The following ATG7 variants were observed in gnomAD, a reference collection of about 807,000 sequenced individuals.
The protein encoded by ATG7 is ubiquitin-like modifier-activating enzyme ATG7.
ATG7 carries 70 observed loss-of-function variants against 82.4 expected under a neutral mutation model. That is an observed-to-expected ratio of 0.85 (90% CI 0.70 to 1.04). The LOEUF (loss-of-function observed/expected upper bound fraction) is 1.04. Among genes scored for constraint, ATG7 ranks in the 50% least tolerant of loss-of-function variants. The probability of loss-of-function intolerance (pLI) is 0.00; values close to 1 mark genes in which losing one functional copy is unlikely to be tolerated. For missense variants in ATG7, 792 were observed against 864.3 expected, an observed-to-expected ratio of 0.92 and a Z score of 1.05; for synonymous variants, 287 against 313.0, an observed-to-expected ratio of 0.92 and a Z score of 0.88.
rs1230678586 is a variant in ATG7, at chr3:11,556,808, G to A, written c.*1965G>A. The A allele has an allele frequency of 6.5e-6, 1 of 152,750 alleles. No homozygotes were observed. Among genetic ancestry groups the A allele is most frequent in the Non-Finnish European group, 1.5e-5 (1 of 68,026 alleles). The allele number at this position is 152,750 out of a possible 1,614,324, so 9.5% of individuals were successfully genotyped here. The stretch of plus-strand genomic sequence containing the variant: ...AGTGTTCTCAACGATTTTTCCTACA[G>A]AAAATATAGGGGCCTGAATGCCAAA... On this transcript the variant is annotated 3_prime_UTR_variant, in exon 21 of 21. Coordinates refer to ENST00000693202, the MANE Select transcript of ATG7 (RefSeq NM_001349232.2).
chr3:11,456,614 T>C (rs1229568131), intron 20 of ATG7, among the ~76,000 whole-genome samples: 2 of 152,128 alleles, frequency 1.3e-5, no homozygotes, highest in Non-Finnish European at 2.9e-5. Context: ...ACACCTTGCC[T>C]CCCCTAGGAA....
At chr3:11,543,333 G>C (rs892930614) in intron 20 of ATG7, among the ~76,000 whole-genome samples, 2 of 152,188 alleles carry the variant, frequency 1.3e-5, no homozygotes, top group African/African-American at 4.8e-5. Context: ...GCTGGGGTTG[G>C]AAAGGCTGGG....
At chr3:11,456,676 A>G (rs530840122) in intron 20 of ATG7, among the ~76,000 whole-genome samples, 3 of 152,146 alleles carry the variant, frequency 2.0e-5, no homozygotes, top group Admixed American at 6.5e-5. Flanking sequence ...TACTCCCCCC[A>G]CTACCGACCA....
chr3:11,378,331 T>C (rs559852618), intron 18 of ATG7, among the ~76,000 whole-genome samples: 19 of 151,362 alleles, frequency 1.3e-4, no homozygotes, highest in African/African-American at 4.4e-4. Context: ...TTTTAAAATG[T>C]CTTTATCAAT....
At chr3:11,272,989 A>G (rs1200268462) in intron 1 of ATG7, among the ~76,000 whole-genome samples, 1 of 152,258 alleles carries the variant, frequency 6.6e-6, no homozygotes, top group Non-Finnish European at 1.5e-5. Flanking sequence ...GTGTTAGAAC[A>G]TTTGTCAGAA....
intron 1 of ATG7, among the ~76,000 whole-genome samples, chr3:11,278,294 A>G (rs907288817): frequency 2.0e-5 from 3 of 152,252 alleles, no homozygotes; most frequent in East Asian, 3.8e-4. Context: ...ATAAATGTCC[A>G]TATTAAAATG....
Position 11,343,054 on chromosome 3 carries a change from G to A in ATG7, c.1125+775G>A, listed in dbSNP as rs528402441. ...AGCGATTCTCCTGCCTCAACTTCCC[G>A]AGTAGCTGGGACTACAGGTGTGCAC... On this transcript the variant is annotated intron_variant, in intron 13 of 20. Coordinates refer to ENST00000693202, the MANE Select transcript of ATG7 (RefSeq NM_001349232.2). 1.3e-4 allele frequency among the ~76,000 whole-genome samples: 20 copies of A among 151,474 alleles called. No individual in the cohort carries two copies. In the South Asian group the frequency reaches 3.5e-3, roughly 27 times the overall value.
intron 20 of ATG7, among the ~76,000 whole-genome samples, chr3:11,532,741 G>A (rs1454458007): frequency 1.3e-5 from 2 of 152,172 alleles, no homozygotes; most frequent in Non-Finnish European, 2.9e-5. Flanking sequence ...AACAACACCA[G>A]CTTCTCTCCC....
chr3:11,465,212 T>A (rs1194343363), intron 20 of ATG7, among the ~76,000 whole-genome samples: 3 of 151,882 alleles, frequency 2.0e-5, no homozygotes, highest in East Asian at 3.9e-4. Context: ...ATCCCAGCAC[T>A]TTGGGAGGCC....
At chr3:11,308,029 A>G (rs530435044) in intron 6 of ATG7, among the ~76,000 whole-genome samples, 1 of 152,230 alleles carries the variant, frequency 6.6e-6, no homozygotes, top group African/African-American at 2.4e-5. Context: ...CTGCCCCCAC[A>G]GGAATATCCC....
chr3:11,530,093 G>T (rs775746974), intron 20 of ATG7, among the ~76,000 whole-genome samples: 5 of 152,180 alleles, frequency 3.3e-5, no homozygotes, highest in Non-Finnish European at 7.4e-5. Flanking sequence ...GCTGGAGGGT[G>T]GTGGTTGCAG....
At chr3:11,373,580 G>C (rs1407791748) in intron 18 of ATG7, among the ~76,000 whole-genome samples, 1 of 152,146 alleles carries the variant, frequency 6.6e-6, no homozygotes, top group Non-Finnish European at 1.5e-5. Context: ...GAAAAACACT[G>C]AGCAACACTT....
chr3:11,425,885 A>G (rs1012347123), intron 19 of ATG7, among the ~76,000 whole-genome samples: 1 of 152,172 alleles, frequency 6.6e-6, no homozygotes, highest in African/African-American at 2.4e-5. Context: ...TTTTAATTTT[A>G]TATAAATGTA....
intron 19 of ATG7, among the ~76,000 whole-genome samples, chr3:11,417,868 G>T (rs1444846823): frequency 6.9e-6 from 1 of 145,568 alleles, no homozygotes; most frequent in African/African-American, 2.5e-5. Flanking sequence ...CTGGAGTGCA[G>T]TGGTGCATCT....
At chr3:11,359,144 ATCTG>A (rs1283086210) in intron 15 of ATG7, among the ~76,000 whole-genome samples, 3 of 152,182 alleles carry the variant, frequency 2.0e-5, no homozygotes, top group Admixed American at 6.5e-5. Context: ...GTATCTACTT[ATCTG>A]TCTATTGAGA....
At chr3:11,405,497 G>T (rs1370690117) in intron 19 of ATG7, among the ~76,000 whole-genome samples, 1 of 152,144 alleles carries the variant, frequency 6.6e-6, no homozygotes. Context: ...AGGATTTTCA[G>T]AGGTTCTTAC....
chr3:11,548,928 G>GT (rs2071528141), intron 20 of ATG7, among the ~76,000 whole-genome samples: 1 of 152,260 alleles, frequency 6.6e-6, no homozygotes, highest in Admixed American at 6.5e-5. Flanking sequence ...AATCGTGGCT[G>GT]TTGCCAGATT....
chr3:11,377,035 G>A (rs2077469860), intron 18 of ATG7, among the ~76,000 whole-genome samples: 1 of 152,244 alleles, frequency 6.6e-6, no homozygotes, highest in South Asian at 2.1e-4. Context: ...CACCGCGCCC[G>A]GCCTTGTCTG....
intron 14 of ATG7, among the ~76,000 whole-genome samples, chr3:11,353,366 A>C (rs1190512349): frequency 6.6e-6 from 1 of 152,164 alleles, no homozygotes; most frequent in Non-Finnish European, 1.5e-5. Flanking sequence ...AATCATTTGA[A>C]CTGAGAGGCG....
Sources: allele counts gnomAD v4.1 joint callset (sites outside exome capture counted in the v4.1 genomes callset), GRCh38; gene constraint gnomAD v4.1.1; transcripts MANE v1.5; gene names NCBI Gene and HGNC (gene_info 2026-07-23, HGNC 2026-07-21).